Variants in SGCD observed in about 807,000 individuals in gnomAD.
The protein encoded by SGCD is sarcoglycan delta, also known as delta-sarcoglycan.
A neutral mutation model predicts 36.6 loss-of-function variants in SGCD; 18 were observed. The observed-to-expected ratio is 0.49, with a 90% CI of 0.34 to 0.73. The LOEUF (loss-of-function observed/expected upper bound fraction) is 0.73. SGCD is among the 30% of genes least tolerant of loss of function. SGCD has a pLI of 0.01. For synonymous variants in SGCD, 133 were observed against 130.6 expected (o/e 1.02, Z -0.12); for missense variants, 387 against 346.7 (o/e 1.12, Z -0.92).
chr5:156,329,567 C>A lies in SGCD; in HGVS notation c.-10C>A. The A allele has an allele frequency of 1.2e-6, 2 of 1,612,912 alleles. No homozygotes were observed. Among genetic ancestry groups the A allele is most frequent in the South Asian group, 2.2e-5 (2 of 90,986 alleles). Reference sequence around the variant, plus strand: ...CTGCCGGGAGTGTTGAGTGAAGGGACCAGGTGGAGATGGTGAGTAATTCCC... The same window carrying A: ...CTGCCGGGAGTGTTGAGTGAAGGGAACAGGTGGAGATGGTGAGTAATTCCC... On this transcript the variant is annotated 5_prime_UTR_variant, in exon 2 of 9. Coordinates refer to ENST00000337851, the MANE Select transcript of SGCD (RefSeq NM_000337.6).
the SGCD span, among the ~76,000 whole-genome samples, chr5:155,748,023 A>G: frequency 0.065 from 9,839 of 152,222 alleles, 798 homozygotes; most frequent in African/African-American, 0.19. Flanking sequence ...GCCTTAGGGT[A>G]AGAATCAAAT....
rs369486849 is a variant in SGCD, at chr5:156,036,881, A to G, written c.-281-80997A>G. ...TGCTGCAGTTATTTGTTTAATAAAT[A>G]TAGACCAAGCTTTTTCCTGCCAAGC... On this transcript the variant is annotated intron_variant, in intron 1 of 9. Coordinates refer to the SGCD transcript ENST00000517913. Among the ~76,000 whole-genome samples the G allele has an allele frequency of 2.0e-5, 3 of 152,164 alleles. No individual in the cohort carries two copies. In the East Asian group the frequency reaches 5.8e-4, roughly 29 times the overall value.
chr5:156,401,696 A>G (rs1266633061), intron 3 of SGCD, among the ~76,000 whole-genome samples: 1 of 152,196 alleles, frequency 6.6e-6, no homozygotes, highest in Non-Finnish European at 1.5e-5. Context: ...CTCAACATTC[A>G]TAGCCCCTAC....
chr5:156,065,438 G>C (rs1265615016), intron 1 of SGCD, among the ~76,000 whole-genome samples: 4 of 123,448 alleles, frequency 3.2e-5, no homozygotes, highest in Admixed American at 2.3e-4. Flanking sequence ...GAGTTCTGTA[G>C]ATGTCTATTA....
At chr5:156,757,880 A>AT in intron 8 of SGCD, 176 bp downstream of exon 8, 1 of 1,286,206 alleles carries the variant, frequency 7.8e-7, no homozygotes, top group Non-Finnish European at 9.9e-7. Context: ...CCCACAATCC[A>AT]TCAAAGTGAT....
chr5:156,668,998 A>G (rs1470624122), intron 7 of SGCD, among the ~76,000 whole-genome samples: 4 of 152,300 alleles, frequency 2.6e-5, no homozygotes, highest in South Asian at 4.2e-4. Flanking sequence ...AGCACTCTTG[A>G]ATCTCCTTCA....
chr5:155,988,402 C>T (rs1250259670), intron 1 of SGCD, among the ~76,000 whole-genome samples: 1 of 152,112 alleles, frequency 6.6e-6, no homozygotes, highest in Non-Finnish European at 1.5e-5. Context: ...GTCTTAGGGT[C>T]ACTCTGAGTG....
At chr5:156,704,639 A>G (rs954581825) in intron 7 of SGCD, among the ~76,000 whole-genome samples, 5 of 152,208 alleles carry the variant, frequency 3.3e-5, no homozygotes, top group Non-Finnish European at 5.9e-5. Flanking sequence ...ATATCTTGAA[A>G]TCACAAAATA....
At chr5:155,989,780 C>T (rs116638677) in intron 1 of SGCD, among the ~76,000 whole-genome samples, 4 of 152,292 alleles carry the variant, frequency 2.6e-5, no homozygotes, top group Admixed American at 1.3e-4. Context: ...ATAAGCAAGA[C>T]TCATTCATCT....
chr5:156,689,303 C>G (rs543285252), intron 7 of SGCD, among the ~76,000 whole-genome samples: 2 of 152,278 alleles, frequency 1.3e-5, no homozygotes, highest in East Asian at 3.9e-4. Flanking sequence ...GATAGCTCTC[C>G]TTGGGCTTCT....
intron 7 of SGCD, among the ~76,000 whole-genome samples, chr5:156,654,664 G>C (rs1199199212): frequency 1.3e-5 from 2 of 152,108 alleles, no homozygotes; most frequent in African/African-American, 4.8e-5. Flanking sequence ...GTGGCCTTGA[G>C]CTAATTGTGG....
At chr5:156,145,057 C>T (rs1160433491) in intron 3 of SGCD, among the ~76,000 whole-genome samples, 1 of 152,140 alleles carries the variant, frequency 6.6e-6, no homozygotes, top group African/African-American at 2.4e-5. Context: ...TCTGTGTCCT[C>T]ACCCAAATCT....
rs76431163 is a variant in SGCD, at chr5:156,176,267, T to C, written c.-44+52248T>C. On this transcript the variant is annotated intron_variant, in intron 3 of 9. Coordinates refer to the SGCD transcript ENST00000517913. Reference sequence around the variant, plus strand: ...CCCAGCCAGACAAAACTGTCTAGTTTTTATATTTTAATATGCCAGAGTCAA... The same window carrying C: ...CCCAGCCAGACAAAACTGTCTAGTTCTTATATTTTAATATGCCAGAGTCAA... 9.4e-3 allele frequency among the ~76,000 whole-genome samples: 1,432 copies of C among 152,256 alleles called. 15 individuals are homozygous for C. Among genetic ancestry groups the C allele is most frequent in the African/African-American group, 0.033 (1,378 of 41,542 alleles).
At chr5:156,227,414 T>C (rs1410721186) in intron 3 of SGCD, among the ~76,000 whole-genome samples, 1 of 152,116 alleles carries the variant, frequency 6.6e-6, no homozygotes, top group Non-Finnish European at 1.5e-5. Context: ...TGGCTGTAAG[T>C]ATTTGGGTTT....
intron 3 of SGCD, among the ~76,000 whole-genome samples, chr5:156,440,066 C>G (rs1431659539): frequency 6.6e-6 from 1 of 152,126 alleles, no homozygotes; most frequent in African/African-American, 2.4e-5. Flanking sequence ...TAGCTGCCAT[C>G]TCCATCTAAT....
At chr5:156,707,808 T>A (rs1275637800) in intron 7 of SGCD, among the ~76,000 whole-genome samples, 3 of 152,154 alleles carry the variant, frequency 2.0e-5, no homozygotes, top group African/African-American at 7.2e-5. Flanking sequence ...AGCACTTGAT[T>A]AAGGGTTTAA....
At chr5:156,233,621 G>C (rs1478812352) in intron 3 of SGCD, among the ~76,000 whole-genome samples, 1 of 152,190 alleles carries the variant, frequency 6.6e-6, no homozygotes, top group South Asian at 2.1e-4. Flanking sequence ...TCACATTTTT[G>C]TGTGCAACTA....
At chr5:155,786,224 G>A in the SGCD span, among the ~76,000 whole-genome samples, 2 of 152,156 alleles carry the variant, frequency 1.3e-5, no homozygotes, top group African/African-American at 2.4e-5. Flanking sequence ...GACAAAATAA[G>A]GATTTATTGG....
chr5:156,364,664 T>C (rs1769994467), intron 3 of SGCD, among the ~76,000 whole-genome samples: 1 of 152,150 alleles, frequency 6.6e-6, no homozygotes. Flanking sequence ...TTGGCCTCCC[T>C]CCCTTTGTGG....
Sources: gnomAD v4.1 joint callset for allele counts (sites outside exome capture counted in the v4.1 genomes callset) on GRCh38, gnomAD v4.1.1 for gene constraint, MANE v1.5 for transcripts, NCBI Gene and HGNC (gene_info 2026-07-23, HGNC 2026-07-21) for gene names.